Variants in SNTG1 observed in about 807,000 individuals in gnomAD.
The protein encoded by SNTG1 is gamma-1-syntrophin.
SNTG1 carries 39 observed loss-of-function variants against 74.7 expected under a neutral mutation model. The ratio of observed to expected loss-of-function variants is 0.52; its 90% CI spans 0.40 to 0.68. The LOEUF is 0.68. Among genes scored for constraint, SNTG1 ranks in the 30% least tolerant of loss-of-function variants. SNTG1 has a pLI of 0.00. For synonymous variants in SNTG1, 254 were observed against 217.1 expected (o/e 1.17, Z -1.49); for missense variants, 685 against 609.5 (o/e 1.12, Z -1.30).
Position 50,149,439 on chromosome 8 carries a change from T to C in SNTG1, c.-102-23122T>C, listed in dbSNP as rs533393528. On this transcript the variant is annotated intron_variant, in intron 1 of 18. Transcript: ENST00000642720. ...TTTTGGCTTTTGTTGCCATTGCTTTTGTTGTTTTAGACATGAAGTCCTTGC... is the reference window on the plus strand; with the variant it reads ...TTTTGGCTTTTGTTGCCATTGCTTTCGTTGTTTTAGACATGAAGTCCTTGC... Among the ~76,000 whole-genome samples the C allele has an allele frequency of 5.9e-5, 9 of 152,350 alleles. No individual in the cohort carries two copies. In the East Asian group the frequency reaches 1.4e-3, roughly 23 times the overall value.
At chr8:49,987,967 A>G (rs960211664) in intron 1 of SNTG1, among the ~76,000 whole-genome samples, 3 of 152,140 alleles carry the variant, frequency 2.0e-5, no homozygotes, top group East Asian at 1.9e-4. Flanking sequence ...AAAAACTGCA[A>G]TTACCTTTGC....
At chr8:50,142,261 C>T (rs940161761) in intron 1 of SNTG1, among the ~76,000 whole-genome samples, 18 of 151,918 alleles carry the variant, frequency 1.2e-4, no homozygotes, top group Admixed American at 1.1e-3. Flanking sequence ...GAATGAATTC[C>T]TCTGTGTGTT....
intron 2 of SNTG1, among the ~76,000 whole-genome samples, chr8:50,205,392 T>C (rs1487665330): frequency 2.0e-5 from 3 of 152,362 alleles, no homozygotes; most frequent in South Asian, 2.1e-4. Context: ...TCTGTTCATA[T>C]CCTTTGCCCA....
At chr8:50,474,358 T>C (rs920081917) in intron 8 of SNTG1, among the ~76,000 whole-genome samples, 3 of 148,786 alleles carry the variant, frequency 2.0e-5, no homozygotes, top group African/African-American at 7.4e-5. Context: ...GAATCTACAA[T>C]GAACTCAAAC....
intron 13 of SNTG1, among the ~76,000 whole-genome samples, chr8:50,647,280 A>G (rs575172282): frequency 3.5e-4 from 53 of 152,280 alleles, no homozygotes; most frequent in Admixed American, 2.9e-3. Flanking sequence ...AATACAGGCT[A>G]CAGACTGGAA....
At chr8:50,152,359 C>G (rs1330915730) in intron 1 of SNTG1, among the ~76,000 whole-genome samples, 2 of 152,150 alleles carry the variant, frequency 1.3e-5, no homozygotes, top group African/African-American at 4.8e-5. Flanking sequence ...GACTCTTTAT[C>G]CAATTTGCCA....
intron 11 of SNTG1, among the ~76,000 whole-genome samples, chr8:50,551,214 G>A (rs2094424049): frequency 6.6e-6 from 1 of 152,062 alleles, no homozygotes; most frequent in Admixed American, 6.6e-5. Context: ...GAGGTCATAT[G>A]TAATAAAAAA....
intron 18 of SNTG1, among the ~76,000 whole-genome samples, chr8:50,786,784 T>A (rs1008746873): frequency 1.4e-4 from 22 of 152,022 alleles, no homozygotes; most frequent in African/African-American, 5.1e-4. Flanking sequence ...AAACCGGTTA[T>A]TGAATCCAAA....
At chr8:50,151,585 G>T (rs1001253760) in intron 1 of SNTG1, among the ~76,000 whole-genome samples, 8 of 152,264 alleles carry the variant, frequency 5.3e-5, no homozygotes, top group Middle Eastern at 3.4e-3. Flanking sequence ...GTTTAAATGT[G>T]TCCCAGAGAT....
intron 1 of SNTG1, among the ~76,000 whole-genome samples, chr8:50,037,782 T>C (rs1164256006): frequency 6.6e-6 from 1 of 152,178 alleles, no homozygotes; most frequent in African/African-American, 2.4e-5. Context: ...ATTTATATAA[T>C]AGCAATAAGC....
intron 1 of SNTG1, among the ~76,000 whole-genome samples, chr8:50,116,648 A>G (rs1412688123): frequency 6.6e-6 from 1 of 152,194 alleles, no homozygotes; most frequent in African/African-American, 2.4e-5. Context: ...GTGAAGTTTT[A>G]TAATTTTAAA....
intron 12 of SNTG1, among the ~76,000 whole-genome samples, chr8:50,567,373 C>T (rs192493217): frequency 4.1e-4 from 62 of 152,204 alleles, no homozygotes; most frequent in East Asian, 3.7e-3. Flanking sequence ...AGGTTACTTA[C>T]AGATGTAAAG....
chr8:50,451,332 A>T (rs925076708), intron 8 of SNTG1, among the ~76,000 whole-genome samples: 5 of 152,224 alleles, frequency 3.3e-5, no homozygotes, highest in African/African-American at 1.2e-4. Flanking sequence ...CTTGTTATAT[A>T]AGGGACTTGA....
rs1469969911 is a variant in SNTG1, at chr8:50,450,589, C to A, written c.311C>A (p.Ala104Glu). Residue 104 changes from alanine (A) to glutamate (E), a missense_variant, in exon 7 of 19, where the codon GCA becomes GAA. Physicochemically the swap from Ala to Glu is moderately radical, Grantham distance 107. Coordinates refer to ENST00000642720, the MANE Select transcript of SNTG1 (RefSeq NM_018967.5). ...TCAGGACTACTTTTTATTGGAGATG[C>A]AATTCTACAGGTATACATTTTATCA... is the stretch of plus-strand genomic sequence containing the variant. ...ELSGLLFIGD[A>E]ILQINGINVR... 1.2e-6 allele frequency: 2 copies of A among 1,613,458 alleles called. No individual in the cohort carries two copies. The highest frequency in any genetic ancestry group is 2.2e-5 in the East Asian group (1 of 44,742).
At chr8:49,998,206 A>C (rs1230311352) in intron 1 of SNTG1, among the ~76,000 whole-genome samples, 1 of 152,150 alleles carries the variant, frequency 6.6e-6, no homozygotes, top group African/African-American at 2.4e-5. Flanking sequence ...CGGTATGCTT[A>C]TATTGGGAAC....
chr8:50,185,486 G>A (rs2083346131), intron 2 of SNTG1, among the ~76,000 whole-genome samples: 1 of 152,118 alleles, frequency 6.6e-6, no homozygotes. Flanking sequence ...TACTGCTTAG[G>A]TCAAAACCTG....
chr8:50,215,463 A>AAT lies in SNTG1; in HGVS notation c.-28+42840_-28+42841dup, dbSNP rs921886799. Among the ~76,000 whole-genome samples the AAT allele has an allele frequency of 5.5e-3, 806 of 146,204 alleles. 5 individuals carry two copies. Among genetic ancestry groups the AAT allele is most frequent in the African/African-American group, 0.018 (718 of 40,358 alleles). ...CTATATATATGTAGTCTCTCTATAT[A>AAT]ATATATATATATAGACTATATATAT... is the stretch of plus-strand genomic sequence containing the variant. On this transcript the variant is annotated intron_variant, in intron 2 of 18. Coordinates refer to ENST00000642720, the MANE Select transcript of SNTG1 (RefSeq NM_018967.5).
At chr8:50,103,571 G>T (rs1416522298) in intron 1 of SNTG1, among the ~76,000 whole-genome samples, 3 of 152,004 alleles carry the variant, frequency 2.0e-5, no homozygotes, top group African/African-American at 4.8e-5. Flanking sequence ...CTGCCTAATT[G>T]CCCTGGCCAG....
At chr8:50,443,534 T>A (rs2093377408) in intron 5 of SNTG1, among the ~76,000 whole-genome samples, 1 of 152,196 alleles carries the variant, frequency 6.6e-6, no homozygotes, top group South Asian at 2.1e-4. Context: ...CCCCACTTAT[T>A]AAGTGCCAGT....
Sources: allele counts gnomAD v4.1 joint callset (sites outside exome capture counted in the v4.1 genomes callset), GRCh38; gene constraint gnomAD v4.1.1; transcripts MANE v1.5; gene names NCBI Gene and HGNC (gene_info 2026-07-23, HGNC 2026-07-21).